VAV1: variants seen among roughly 807,000 people sequenced by gnomAD.
VAV1 encodes vav guanine nucleotide exchange factor 1, also known as proto-oncogene vav.
Under a neutral mutation model 128.1 loss-of-function variants are expected in VAV1, and 33 were observed. That is an observed-to-expected ratio of 0.26 (90% CI 0.20 to 0.34). The LOEUF (loss-of-function observed/expected upper bound fraction) is 0.34, where lower values mean the gene tolerates loss of function less well. Ranked by LOEUF, VAV1 falls within the 10% of genes least tolerant of loss-of-function variation. The probability of loss-of-function intolerance (pLI) is 1.00; values close to 1 mark genes in which losing one functional copy is unlikely to be tolerated. For synonymous variants in VAV1, 394 were observed against 409.8 expected (o/e 0.96, Z 0.47); for missense variants, 715 against 1,093.7 (o/e 0.65, Z 4.88).
At chr19:6,833,681 G>T (rs369165133) in intron 17 of VAV1, 30 bp from the exon 18 acceptor site, 2 of 1,614,112 alleles carry the variant, frequency 1.2e-6, no homozygotes, top group Non-Finnish European at 8.5e-7. Flanking sequence ...AGGATTTCCC[G>T]TTCTCACCAT....
At chr19:6,808,018 A>G (rs1971433632) in intron 1 of VAV1, among the ~76,000 whole-genome samples, 1 of 150,000 alleles carries the variant, frequency 6.7e-6, no homozygotes, top group Non-Finnish European at 1.5e-5. Context: ...AGAAAAGAAA[A>G]AGTTAAAAAA....
chr19:6,852,230 G>A (rs943401833), intron 24 of VAV1, among the ~76,000 whole-genome samples: 2 of 152,120 alleles, frequency 1.3e-5, no homozygotes, highest in African/African-American at 4.8e-5. Context: ...GCCCAGGCTG[G>A]TCTTGAACTC....
rs560965390 is a variant in VAV1 at position 6,772,788 on chromosome 19, G to T, written c.-20G>T. 124 of 1,609,474 alleles carry T rather than the reference G, an allele frequency of 7.7e-5. 1 individual carries two copies. The South Asian group carries it at 1.2e-3, about 15-fold the overall frequency. On this transcript the variant is annotated 5_prime_UTR_variant, in exon 1 of 27. Coordinates refer to ENST00000602142, the MANE Select transcript of VAV1 (RefSeq NM_005428.4). The surrounding 1 kb of genome is among the most constrained non-coding windows in gnomAD (Gnocchi z 4.8). ...TGGAGGCTGCGAGGGTGCACGGCCG[G>T]CCCTGGGCAGGCGGTAGCCATGGAG... is the stretch of plus-strand genomic sequence containing the variant.
In VAV1 at chr19:6,777,174, C is replaced by T. The variant is rs769407801; in HGVS notation, c.204+4163C>T. 2.0e-5 allele frequency among the ~76,000 whole-genome samples: 3 copies of T among 151,932 alleles called. No individual in the cohort carries two copies. Among genetic ancestry groups the T allele is most frequent in the Non-Finnish European group, 4.4e-5 (3 of 68,004 alleles). ...CCATCCACTCATCCACCCGTCTACT[C>T]ATCTATCCATTCATCTACCCATCCA... On this transcript the variant is annotated intron_variant, in intron 1 of 26. Coordinates refer to ENST00000602142, the MANE Select transcript of VAV1 (RefSeq NM_005428.4). The surrounding 1 kb of genome is among the most constrained non-coding windows in gnomAD (Gnocchi z 4.4).
At chr19:6,775,257 A>G (rs1599609157) in intron 1 of VAV1, among the ~76,000 whole-genome samples, 2 of 152,206 alleles carry the variant, frequency 1.3e-5, no homozygotes, top group Non-Finnish European at 2.9e-5. Context: ...GTTAGGCCCC[A>G]TCTGTTAGAC....
chr19:6,779,200 C>T (rs1729819119), intron 1 of VAV1, among the ~76,000 whole-genome samples: 1 of 150,948 alleles, frequency 6.6e-6, no homozygotes, highest in African/African-American at 2.4e-5. Flanking sequence ...TACAGGTGTG[C>T]ACCAGCAATA....
intron 1 of VAV1, among the ~76,000 whole-genome samples, chr19:6,797,325 T>A (rs1489689539): frequency 6.6e-6 from 1 of 152,060 alleles, no homozygotes; most frequent in African/African-American, 2.4e-5. Flanking sequence ...GGAGCCTTTT[T>A]ACCCCCTTCA....
chr19:6,796,653 C>T (rs1684199827), intron 1 of VAV1, among the ~76,000 whole-genome samples: 1 of 152,202 alleles, frequency 6.6e-6, no homozygotes, highest in South Asian at 2.1e-4. Context: ...TGTCCCCTCA[C>T]CTCCTTCAAA....
chr19:6,829,025 C>A, intron 13 of VAV1, 125 bp downstream of exon 13: 1 of 1,103,214 alleles, frequency 9.1e-7, no homozygotes, highest in Non-Finnish European at 1.3e-6. Context: ...CGGGGCCGGG[C>A]TTCTAGATGG....
Position 6,822,536 on chromosome 19 carries a change from C to T in VAV1, c.654+22C>T, listed in dbSNP as rs1275908068. 6.5e-7 allele frequency: 1 copy of T among 1,541,958 alleles called. No homozygotes were observed. Among genetic ancestry groups the T allele is most frequent in the South Asian group, 1.2e-5 (1 of 83,972 alleles). On this transcript the variant is annotated intron_variant, in intron 6 of 26. Transcript: ENST00000602142. The surrounding 1 kb of genome is among the most constrained non-coding windows in gnomAD (Gnocchi z 5.9). The stretch of plus-strand genomic sequence containing the variant: ...GCAGGTGGGCGCCTCCCACCCAGCG[C>T]CTGCCGGGCGCATGCGCGGGAGCTG...
chr19:6,813,635 C>A (rs1272324782), intron 1 of VAV1, among the ~76,000 whole-genome samples: 1 of 152,100 alleles, frequency 6.6e-6, no homozygotes, highest in Non-Finnish European at 1.5e-5. Flanking sequence ...CTACTCATGG[C>A]TGAGGTTTTC....
chr19:6,799,844 C>CAA (rs60826995), intron 1 of VAV1, among the ~76,000 whole-genome samples: 668 of 48,256 alleles, frequency 0.014, 11 homozygotes, highest in African/African-American at 0.036. Context: ...GAGACTGTCT[C>CAA]AAAAAAAAAA....
intron 22 of VAV1, among the ~76,000 whole-genome samples, chr19:6,845,697 T>C (rs1972503450): frequency 2.0e-5 from 3 of 149,456 alleles, no homozygotes; most frequent in African/African-American, 7.3e-5. Context: ...CACATTTATG[T>C]TTATATTATA....
rs992369651 is a variant in VAV1 at position 6,833,666 on chromosome 19, T to G, written c.1708+41T>G. ...AGGCTGGGAGGTGAGCTTGGTTCTC[T>G]TTGGAGGATTTCCCGTTCTCACCAT... On this transcript the variant is annotated intron_variant, in intron 17 of 26. Transcript: ENST00000602142. 4 of 1,613,990 alleles carry G rather than the reference T, an allele frequency of 2.5e-6. No individual in the cohort carries two copies. In the African/African-American group the frequency reaches 5.3e-5, roughly 22 times the overall value.
At chr19:6,782,056 G>A (rs1469509764) in intron 1 of VAV1, among the ~76,000 whole-genome samples, 2 of 152,238 alleles carry the variant, frequency 1.3e-5, no homozygotes, top group Non-Finnish European at 2.9e-5. Flanking sequence ...TGTTGGCCGT[G>A]CACATGGCTC....
intron 24 of VAV1, among the ~76,000 whole-genome samples, chr19:6,852,740 A>C (rs1188443938): frequency 1.3e-5 from 2 of 151,776 alleles, no homozygotes; most frequent in Non-Finnish European, 2.9e-5. Flanking sequence ...AAAAAAAGAA[A>C]GAAAGAACCT....
intron 24 of VAV1, 98 bp downstream of exon 24, chr19:6,850,855 AC>A (rs957396333): frequency 7.5e-6 from 9 of 1,207,918 alleles, no homozygotes; most frequent in Non-Finnish European, 9.5e-6. Flanking sequence ...ATTCAGGGTG[AC>A]CCCCCTCCAG....
At position 6,826,866 on chromosome 19, in the gene VAV1, C is replaced by T; in HGVS notation, c.927+155C>T. The T allele has an allele frequency of 1.5e-6, 1 of 651,400 alleles. No individual in the cohort carries two copies. The highest frequency in any genetic ancestry group is 2.7e-6 in the Non-Finnish European group (1 of 369,772). 40.4% of individuals were successfully genotyped at this position (651,400 alleles called of 1,614,324 possible). A position where few individuals can be genotyped will look rare whatever the true frequency, so the allele number is the denominator to read the frequency against. On this transcript the variant is annotated intron_variant, in intron 9 of 26. Transcript: ENST00000602142. The surrounding 1 kb of genome is among the most constrained non-coding windows in gnomAD (Gnocchi z 4.1). ...GGGAGGGAGGTACTAGCCAGCCAAG[C>T]AGAGGAAATGGAGAAGAACAGAAAT... is the stretch of plus-strand genomic sequence containing the variant.
At chr19:6,824,560 C>T (rs1392938550) in intron 6 of VAV1, among the ~76,000 whole-genome samples, 1 of 151,608 alleles carries the variant, frequency 6.6e-6, no homozygotes, top group African/African-American at 2.4e-5. Context: ...GAGATAGAGT[C>T]TCACTCTGTC....
Sources: allele counts gnomAD v4.1 joint callset (sites outside exome capture counted in the v4.1 genomes callset), GRCh38; gene constraint gnomAD v4.1.1; non-coding constraint Gnocchi (gnomAD v3.1); transcripts MANE v1.5; gene names NCBI Gene and HGNC (gene_info 2026-07-23, HGNC 2026-07-21).